The following KALRN variants were observed in gnomAD, a reference collection of about 807,000 sequenced individuals.
KALRN encodes the protein kalirin RhoGEF kinase, also known as kalirin.
KALRN carries 70 observed loss-of-function variants against 353.7 expected under a neutral mutation model. That is an observed-to-expected ratio of 0.20 (90% confidence interval 0.16 to 0.24). KALRN has a LOEUF of 0.24. KALRN is among the 10% of genes least tolerant of loss of function. The pLI is 1.00. For synonymous variants in KALRN, 1,391 were observed against 1,434.8 expected (o/e 0.97, Z 0.69); for missense variants, 2,791 against 3,756.7 (o/e 0.74, Z 6.72).
At chr3:124,224,234 T>A (rs1321714104) in intron 1 of KALRN, among the ~76,000 whole-genome samples, 1 of 151,864 alleles carries the variant, frequency 6.6e-6, no homozygotes, top group Non-Finnish European at 1.5e-5. Context: ...CCAGGATTTT[T>A]TTTTTTTAGA....
chr3:124,671,689 A>C lies in KALRN; in HGVS notation c.6733A>C (p.Lys2245Gln), dbSNP rs1355250729. 1.9e-6 allele frequency: 3 copies of C among 1,614,042 alleles called. No homozygotes were observed. The highest frequency in any genetic ancestry group is 1.3e-5 in the African/African-American group (1 of 75,008). ...GCAATCGCCCATTGAGTATCAACGG[A>C]AAGAAAGGAGCACAGCTGTGATGAG... ...ALQSPIEYQR[K>Q]ERSTAVMRSQ... Residue 2245 changes from lysine to glutamine, a missense_variant, in exon 48 of 60, where the codon AAA (lysine) becomes CAA (glutamine). By Grantham distance (53) the Lys-to-Gln change is moderately conservative (BLOSUM62 1). This residue lies in a region of KALRN where 1,065 missense variants were observed against 1,156.4 expected (regional missense o/e 0.92). Transcript: ENST00000682506.
chr3:124,547,669 G>A (rs2069868678), intron 33 of KALRN, among the ~76,000 whole-genome samples: 1 of 152,124 alleles, frequency 6.6e-6, no homozygotes, highest in South Asian at 2.1e-4. Context: ...AAAGTCCCAG[G>A]AGAGCAGGAA....
intron 1 of KALRN, among the ~76,000 whole-genome samples, chr3:124,145,746 G>C (rs960065773): frequency 2.6e-5 from 4 of 152,230 alleles, no homozygotes; most frequent in African/African-American, 9.6e-5. Context: ...CCAGAAGCCA[G>C]CTTTTCTGAT....
chr3:124,233,756 C>T (rs1920629), intron 2 of KALRN, among the ~76,000 whole-genome samples: 21,241 of 152,034 alleles, frequency 0.14, 2,765 homozygotes, highest in East Asian at 0.64. Flanking sequence ...TGGTGAGGTT[C>T]GCACCTCTCC....
At chr3:124,074,249 A>G (rs1282432987) in intron 1 of KALRN, among the ~76,000 whole-genome samples, 2 of 152,220 alleles carry the variant, frequency 1.3e-5, no homozygotes. Flanking sequence ...TGTTTGTTTT[A>G]GAATTCTCAG....
chr3:124,403,768 G>T (rs965560019), intron 13 of KALRN, among the ~76,000 whole-genome samples: 2 of 152,066 alleles, frequency 1.3e-5, no homozygotes, highest in Admixed American at 1.3e-4. Context: ...GTAAACATTT[G>T]GTGAGCACCT....
At chr3:124,040,749 T>C (rs1360610821) in intron 1 of KALRN, among the ~76,000 whole-genome samples, 3 of 152,204 alleles carry the variant, frequency 2.0e-5, no homozygotes, top group Non-Finnish European at 4.4e-5. Flanking sequence ...AAAACATGTA[T>C]GGAGCATCTA....
chr3:124,480,104 C>T (rs2061838670), intron 27 of KALRN, among the ~76,000 whole-genome samples: 3 of 152,194 alleles, frequency 2.0e-5, no homozygotes, highest in Admixed American at 2.0e-4. Context: ...TCCCTCTCTG[C>T]TCCACATGCA....
rs192414347 is a variant in KALRN, at chr3:124,570,227, G to A, written c.5182+7138G>A. Among the ~76,000 whole-genome samples, 6 of 152,320 alleles carry A rather than the reference G, an allele frequency of 3.9e-5. No individual in the cohort carries two copies. In the East Asian group the frequency reaches 1.2e-3, roughly 29 times the overall value. On this transcript the variant is annotated intron_variant, in intron 34 of 59. Transcript: ENST00000682506. ...CTATGGGAGGCTAAAAAAATAATTA[G>A]AGGATGAATATTCCCTAAACATTTC... is the stretch of plus-strand genomic sequence containing the variant.
chr3:124,490,583 G>T (rs1302252592), intron 29 of KALRN, 111 bp from the exon 30 acceptor site: 10 of 942,930 alleles, frequency 1.1e-5, no homozygotes, highest in Non-Finnish European at 1.6e-5. Flanking sequence ...AAACCCTTCA[G>T]TAACTGAAGA....
At chr3:124,587,386 C>T (rs2075305439) in intron 34 of KALRN, among the ~76,000 whole-genome samples, 1 of 152,192 alleles carries the variant, frequency 6.6e-6, no homozygotes, top group Non-Finnish European at 1.5e-5. Flanking sequence ...TCCAGTCATG[C>T]AGGATTTAAA....
intron 33 of KALRN, among the ~76,000 whole-genome samples, chr3:124,516,730 C>T (rs2066620133): frequency 6.7e-6 from 1 of 149,628 alleles, no homozygotes; most frequent in Non-Finnish European, 1.5e-5. Context: ...ACCTTCCATG[C>T]TAATGACATT....
At chr3:124,533,970 T>C (rs2068292479) in intron 33 of KALRN, among the ~76,000 whole-genome samples, 1 of 152,190 alleles carries the variant, frequency 6.6e-6, no homozygotes, top group Non-Finnish European at 1.5e-5. Flanking sequence ...AGAGGTCACG[T>C]TGATAGCACG....
chr3:124,694,150 A>T (rs761512821), intron 52 of KALRN, among the ~76,000 whole-genome samples, 182 bp from the exon 53 acceptor site: 1 of 152,178 alleles, frequency 6.6e-6, no homozygotes, highest in Non-Finnish European at 1.5e-5. Flanking sequence ...TTTCTATAAT[A>T]AACAGTTATC....
At chr3:124,094,584 C>T in intron 1 of KALRN, 1 of 542,004 alleles carries the variant, frequency 1.8e-6, no homozygotes, top group Non-Finnish European at 3.3e-6. Flanking sequence ...CATCTCCGAC[C>T]TCCCCTTGGG....
chr3:124,276,093 T>C (rs1038235248), intron 5 of KALRN, among the ~76,000 whole-genome samples: 7 of 152,252 alleles, frequency 4.6e-5, no homozygotes, highest in Non-Finnish European at 7.3e-5. Context: ...AGCATATTTG[T>C]CTTATTCCCT....
At chr3:124,452,746 C>A (rs1387778741) in intron 21 of KALRN, among the ~76,000 whole-genome samples, 1 of 152,210 alleles carries the variant, frequency 6.6e-6, no homozygotes, top group Admixed American at 6.5e-5. Flanking sequence ...ATTTTACTGT[C>A]TCTTTGCTCC....
intron 5 of KALRN, among the ~76,000 whole-genome samples, chr3:124,288,383 G>A (rs13098182): frequency 0.067 from 10,179 of 152,168 alleles, 463 homozygotes; most frequent in East Asian, 0.15. Flanking sequence ...GTATTTCATG[G>A]TGGGGGGAAA....
chr3:124,045,637 C>T (rs540340410), intron 1 of KALRN, among the ~76,000 whole-genome samples: 2 of 152,170 alleles, frequency 1.3e-5, no homozygotes, highest in South Asian at 4.1e-4. Context: ...TTTATTCTTA[C>T]ACTCATTTAT....
Sources: allele counts gnomAD v4.1 joint callset (sites outside exome capture counted in the v4.1 genomes callset), GRCh38; gene constraint gnomAD v4.1.1; regional missense constraint gnomAD v4.1.1; transcripts MANE v1.5; gene names NCBI Gene and HGNC (gene_info 2026-07-23, HGNC 2026-07-21).